ARHGAP18: variants seen among roughly 807,000 people sequenced by gnomAD.
ARHGAP18 encodes the protein Rho GTPase activating protein 18, also known as rho GTPase-activating protein 18.
A neutral mutation model predicts 86.2 loss-of-function variants in ARHGAP18; 67 were observed. The observed-to-expected ratio is 0.78, with a 90% confidence interval of 0.64 to 0.95. The LOEUF (loss-of-function observed/expected upper bound fraction) is 0.95, where lower values mean the gene tolerates loss of function less well. Among genes scored for constraint, ARHGAP18 ranks in the 40% least tolerant of loss-of-function variants. The probability of loss-of-function intolerance (pLI) is 0.00; values close to 1 mark genes in which losing one functional copy is unlikely to be tolerated. For missense variants in ARHGAP18, 691 were observed against 780.4 expected, an observed-to-expected ratio of 0.89 and a Z score of 1.37; for synonymous variants, 283 against 280.4, an observed-to-expected ratio of 1.01 and a Z score of -0.09.
Position 129,583,975 on chromosome 6 carries a change from A to G in ARHGAP18, c.1838+13T>C, listed in dbSNP as rs75460962. 6.2e-7 allele frequency: 1 copy of G among 1,612,584 alleles called. No homozygotes were observed. Reference sequence around the variant, plus strand: ...TTATGCCATGGCATAATTAACACAAAACAGGCCTCTACCTTTCTTGGCTGA... The same window carrying G: ...TTATGCCATGGCATAATTAACACAAGACAGGCCTCTACCTTTCTTGGCTGA... On this transcript the variant is annotated intron_variant, in intron 13 of 14. Coordinates refer to ENST00000368149, the MANE Select transcript of ARHGAP18 (RefSeq NM_033515.3).
intron 1 of ARHGAP18, among the ~76,000 whole-genome samples, chr6:129,645,013 AT>A (rs200646358): frequency 6.6e-6 from 1 of 151,166 alleles, no homozygotes; most frequent in Non-Finnish European, 1.5e-5. Context: ...TTTTGTCTGT[AT>A]TTTTTTTTGA....
At chr6:129,686,699 T>A (rs931624311) in intron 1 of ARHGAP18, among the ~76,000 whole-genome samples, 3 of 152,310 alleles carry the variant, frequency 2.0e-5, no homozygotes, top group Admixed American at 6.5e-5. Flanking sequence ...ATAAGTTATA[T>A]GGATTTGTCT....
intron 1 of ARHGAP18, among the ~76,000 whole-genome samples, chr6:129,668,382 A>T (rs1425601730): frequency 3.3e-5 from 5 of 150,768 alleles, no homozygotes; most frequent in Non-Finnish European, 5.9e-5. Flanking sequence ...ACACACACAC[A>T]CACACACACA....
In ARHGAP18 at chr6:129,641,944, C is replaced by T. The variant is rs757913140; in HGVS notation, c.188G>A (p.Arg63Gln). Residue 63 changes from arginine to glutamine, a missense_variant, in exon 2 of 15, where the codon CGA becomes CAA. Coordinates refer to ENST00000368149, the MANE Select transcript of ARHGAP18 (RefSeq NM_033515.3). ...IKVMEKPPFDRSISQDSLDEL... is the reference protein window; with the variant it reads ...IKVMEKPPFDQSISQDSLDEL... The stretch of plus-strand genomic sequence containing the variant: ...ATCCAAAGAATCCTGGGAAATTGAT[C>T]GATCAAATGGAGGCTTCTCCATAAC... The T allele has an allele frequency of 2.2e-5, 36 of 1,613,802 alleles. No homozygotes were observed. The East Asian group carries it at 2.5e-4, about 11-fold the overall frequency.
At chr6:129,634,253 A>C (rs1308428853) in intron 3 of ARHGAP18, 148 bp from the exon 4 acceptor site, 3 of 613,302 alleles carry the variant, frequency 4.9e-6, no homozygotes, top group Non-Finnish European at 8.3e-6. Context: ...CTAAGATAAT[A>C]ATCAACAAGC....
intron 8 of ARHGAP18, among the ~76,000 whole-genome samples, chr6:129,610,468 T>C (rs763723990): frequency 8.5e-5 from 13 of 152,316 alleles, no homozygotes; most frequent in Admixed American, 3.3e-4. Context: ...GGAATTATTC[T>C]TTCACCAGCC....
At position 129,625,072 on chromosome 6, in the gene ARHGAP18, TAA is replaced by T. The variant is rs551726423; in HGVS notation, c.786+4279_786+4280del. On this transcript the variant is annotated intron_variant, in intron 5 of 14. Transcript: ENST00000368149. ...TATATGATTGATATATATTTATATATAATATATATGATATATGATATATGATA... is the reference window on the plus strand; with the variant it reads ...TATATGATTGATATATATTTATATATTATATATGATATATGATATATGATA... Among the ~76,000 whole-genome samples, 463 of 110,300 alleles carry T rather than the reference TAA, an allele frequency of 4.2e-3. 59 individuals carry two copies. The highest frequency in any genetic ancestry group is 0.016 in the African/African-American group (432 of 27,868). The allele number at this position is 110,300 out of a possible 152,430, so 72.4% of individuals were successfully genotyped here.
intron 6 of ARHGAP18, among the ~76,000 whole-genome samples, chr6:129,616,910 T>C (rs1789110908): frequency 5.3e-5 from 8 of 152,172 alleles, no homozygotes. Context: ...GAGCCGTCAC[T>C]GCACCACTGC....
At chr6:129,600,570 T>A (rs1282205735) in intron 11 of ARHGAP18, 72 bp downstream of exon 11, 1 of 1,272,818 alleles carries the variant, frequency 7.9e-7, no homozygotes. Context: ...AAATGTAAAT[T>A]AATAAAGCTA....
At chr6:129,675,472 T>G (rs893953930) in intron 1 of ARHGAP18, among the ~76,000 whole-genome samples, 1 of 152,048 alleles carries the variant, frequency 6.6e-6, no homozygotes, top group Non-Finnish European at 1.5e-5. Context: ...TAACACCCAT[T>G]TTTCACATCT....
At chr6:129,639,752 T>A (rs1425315817) in intron 2 of ARHGAP18, among the ~76,000 whole-genome samples, 2 of 152,094 alleles carry the variant, frequency 1.3e-5, no homozygotes, top group African/African-American at 4.8e-5. Flanking sequence ...GCATAAAAAG[T>A]AAGTCAGCAA....
intron 5 of ARHGAP18, 140 bp from the exon 6 acceptor site, chr6:129,618,992 T>C (rs1185643147): frequency 1.3e-6 from 1 of 782,212 alleles, no homozygotes; most frequent in Admixed American, 2.9e-5. Context: ...CCAGTCAGAA[T>C]GAAGAGTGAT....
At chr6:129,700,853 C>A (rs910227745) in intron 1 of ARHGAP18, among the ~76,000 whole-genome samples, 1 of 152,098 alleles carries the variant, frequency 6.6e-6, no homozygotes, top group Admixed American at 6.6e-5. Context: ...AGGACTTCAA[C>A]CCAGGCAATC....
chr6:129,682,428 C>T (rs536348800), intron 1 of ARHGAP18, among the ~76,000 whole-genome samples: 96 of 152,316 alleles, frequency 6.3e-4, no homozygotes, highest in African/African-American at 2.3e-3. Flanking sequence ...TGAGGTCTTA[C>T]AGGCAAGTAG....
chr6:129,704,571 T>C (rs1463047976), intron 1 of ARHGAP18, among the ~76,000 whole-genome samples: 2 of 152,170 alleles, frequency 1.3e-5, no homozygotes, highest in African/African-American at 4.8e-5. Context: ...ACAAGTTTCT[T>C]AGGGCAAAAA....
In ARHGAP18 at chr6:129,663,022, T is replaced by G. The variant is rs544018126; in HGVS notation, c.114-21004A>C. The stretch of plus-strand genomic sequence containing the variant: ...CAATAACGAGACTACCAGGCAGTTG[T>G]CATTATAACCCCCCATTTTAAGGAT... On this transcript the variant is annotated intron_variant, in intron 1 of 14. Coordinates refer to ENST00000368149, the MANE Select transcript of ARHGAP18 (RefSeq NM_033515.3). Among the ~76,000 whole-genome samples the G allele has an allele frequency of 2.6e-5, 4 of 152,328 alleles. No individual in the cohort carries two copies. In the South Asian group the frequency reaches 8.3e-4, roughly 32 times the overall value.
intron 5 of ARHGAP18, among the ~76,000 whole-genome samples, chr6:129,621,629 G>T (rs750017223): frequency 1.3e-5 from 2 of 152,060 alleles, no homozygotes; most frequent in Non-Finnish European, 2.9e-5. Context: ...ACAAGGTTGT[G>T]GCGAAGATCA....
intron 10 of ARHGAP18, among the ~76,000 whole-genome samples, chr6:129,604,453 C>T (rs555882974): frequency 6.6e-6 from 1 of 152,182 alleles, no homozygotes; most frequent in Non-Finnish European, 1.5e-5. Flanking sequence ...CATAAGTTTT[C>T]CAGTACCCAC....
chr6:129,647,335 T>C (rs11154488), intron 1 of ARHGAP18, among the ~76,000 whole-genome samples: 63,466 of 151,454 alleles, frequency 0.42, 13,394 homozygotes, highest in African/African-American at 0.47. Flanking sequence ...TTCTTCTGAG[T>C]TCATATATTT....
Sources: gnomAD v4.1 joint callset for allele counts (sites outside exome capture counted in the v4.1 genomes callset) on GRCh38, gnomAD v4.1.1 for gene constraint, MANE v1.5 for transcripts, NCBI Gene and HGNC (gene_info 2026-07-23, HGNC 2026-07-21) for gene names.